OASL: variants seen among roughly 807,000 people sequenced by gnomAD.
OASL encodes the protein 2'-5'-oligoadenylate synthetase like, also known as 2'-5'-oligoadenylate synthase-like protein.
OASL carries 28 observed loss-of-function variants against 35.3 expected under a neutral mutation model. That is an observed-to-expected ratio of 0.79 (90% CI 0.59 to 1.09). The LOEUF is 1.09. OASL is among the 50% of genes least tolerant of loss of function. OASL has a pLI of 0.00. For missense variants in OASL, 620 were observed against 635.2 expected (o/e 0.98, Z 0.26); for synonymous variants, 252 against 254.6 (o/e 0.99, Z 0.10).
chr12:121,025,689 G>A (rs536786166), intron 4 of OASL, among the ~76,000 whole-genome samples: 4 of 151,820 alleles, frequency 2.6e-5, no homozygotes, highest in Admixed American at 2.6e-4. Context: ...TTGAACCCAG[G>A]AGGTGGTGGT....
intron 1 of OASL, among the ~76,000 whole-genome samples, chr12:121,036,370 T>C (rs1869958545): frequency 6.6e-6 from 1 of 152,214 alleles, no homozygotes; most frequent in Non-Finnish European, 1.5e-5. Flanking sequence ...ATAAGATATA[T>C]TATTCCTCAT....
intron 5 of OASL, among the ~76,000 whole-genome samples, chr12:121,023,132 A>G (rs1013071202): frequency 6.6e-6 from 1 of 152,142 alleles, no homozygotes; most frequent in Admixed American, 6.6e-5. Flanking sequence ...ATCATATAAT[A>G]ATATGACTTA....
chr12:121,038,319 ACT>A (rs1485769691), intron 1 of OASL, among the ~76,000 whole-genome samples: 1 of 152,164 alleles, frequency 6.6e-6, no homozygotes, highest in East Asian at 1.9e-4. Context: ...CCACAAAACT[ACT>A]GTTACACCTA....
chr12:121,027,457 C>A, intron 4 of OASL, 119 bp downstream of exon 4: 1 of 1,462,156 alleles, frequency 6.8e-7, no homozygotes, highest in African/African-American at 1.4e-5. Flanking sequence ...GGTCGATGCT[C>A]AACTATGGTG....
chr12:121,038,204 A>G (rs1348893954), intron 1 of OASL, among the ~76,000 whole-genome samples: 1 of 152,250 alleles, frequency 6.6e-6, no homozygotes, highest in Non-Finnish European at 1.5e-5. Flanking sequence ...TCCTGGCTAC[A>G]TGTGCTTAAT....
At position 121,038,866 on chromosome 12, in the gene OASL, C is replaced by A. The variant is rs201238602; in HGVS notation, c.106G>T (p.Ala36Ser). The A allele has an allele frequency of 3.1e-6, 5 of 1,614,132 alleles. No individual in the cohort carries two copies. In the Admixed American group the frequency reaches 8.3e-5, roughly 27 times the overall value. Residue 36 changes from alanine to serine, a missense_variant, in exon 1 of 6, where the codon GCT becomes TCT. Physicochemically the swap from Ala to Ser is moderately conservative, Grantham distance 99. Transcript: ENST00000257570. ...AGAAACTCCTCCACGGTCCGCACAG[C>A]GTCTAGCACCTCTTCCTTCCACTCC...
At chr12:121,024,686 G>A (rs549938131) in intron 4 of OASL, among the ~76,000 whole-genome samples, 1 of 152,192 alleles carries the variant, frequency 6.6e-6, no homozygotes, top group African/African-American at 2.4e-5. Context: ...GGGAGAATGA[G>A]GCCCCAAGAG....
At chr12:121,034,225 C>T (rs906315311) in intron 1 of OASL, among the ~76,000 whole-genome samples, 2 of 151,354 alleles carry the variant, frequency 1.3e-5, no homozygotes, top group African/African-American at 4.8e-5. Flanking sequence ...GGGTTTCACT[C>T]CCGTTGCCCA....
Sources: allele counts gnomAD v4.1 joint callset (sites outside exome capture counted in the v4.1 genomes callset), GRCh38; gene constraint gnomAD v4.1.1; transcripts MANE v1.5; gene names NCBI Gene and HGNC (gene_info 2026-07-23, HGNC 2026-07-21).